The following CSMD1 variants were observed in gnomAD, a reference collection of about 807,000 sequenced individuals.
CSMD1 encodes CUB and sushi domain-containing protein 1.
Under a neutral mutation model 417.5 loss-of-function variants are expected in CSMD1, and 213 were observed. The observed-to-expected ratio is 0.51, with a 90% CI of 0.46 to 0.57. CSMD1 has a LOEUF of 0.57. Among genes scored for constraint, CSMD1 ranks in the 20% least tolerant of loss-of-function variants. The pLI is 0.00. For synonymous variants in CSMD1, 2,862 were observed against 1,736.8 expected, an observed-to-expected ratio of 1.65 and a Z score of -16.11; for missense variants, 6,923 against 4,529.7, an observed-to-expected ratio of 1.53 and a Z score of -15.17.
At chr8:3,103,370 T>C (rs1815895930) in intron 46 of CSMD1, among the ~76,000 whole-genome samples, 2 of 152,108 alleles carry the variant, frequency 1.3e-5, no homozygotes, top group African/African-American at 4.8e-5. Flanking sequence ...ACCCAGATGG[T>C]ACAGCCTGCT....
intron 3 of CSMD1, among the ~76,000 whole-genome samples, chr8:4,163,742 C>G (rs1187903380): frequency 6.6e-6 from 1 of 152,100 alleles, no homozygotes; most frequent in African/African-American, 2.4e-5. Flanking sequence ...ATCAGTAGCA[C>G]TAATACTGCT....
At chr8:4,938,380 AGTT>A (rs1291160807) in intron 1 of CSMD1, among the ~76,000 whole-genome samples, 1 of 152,206 alleles carries the variant, frequency 6.6e-6, no homozygotes, top group Non-Finnish European at 1.5e-5. Flanking sequence ...GCTGTCCTAT[AGTT>A]ATTACAAATA....
At chr8:4,459,820 T>C (rs1162267704) in intron 2 of CSMD1, among the ~76,000 whole-genome samples, 1 of 152,180 alleles carries the variant, frequency 6.6e-6, no homozygotes, top group Non-Finnish European at 1.5e-5. Context: ...TTGTGGTACT[T>C]TGTGTCACTG....
At chr8:4,944,501 G>C (rs1317457941) in intron 1 of CSMD1, among the ~76,000 whole-genome samples, 1 of 152,172 alleles carries the variant, frequency 6.6e-6, no homozygotes. Flanking sequence ...TGGGAAAGCT[G>C]AAAGAACACA....
chr8:2,966,947 T>A (rs974258916), intron 57 of CSMD1, among the ~76,000 whole-genome samples: 2 of 152,192 alleles, frequency 1.3e-5, no homozygotes, highest in Non-Finnish European at 2.9e-5. Flanking sequence ...AATATAAAAA[T>A]AACCTTTCAA....
intron 7 of CSMD1, among the ~76,000 whole-genome samples, chr8:3,627,866 AT>A (rs1234867128): frequency 6.6e-6 from 1 of 152,204 alleles, no homozygotes; most frequent in Non-Finnish European, 1.5e-5. Context: ...TTGTACATTA[AT>A]TCACTGTTTT....
chr8:3,090,946 A>G (rs2129008066), intron 48 of CSMD1, among the ~76,000 whole-genome samples: 2 of 152,342 alleles, frequency 1.3e-5, no homozygotes, highest in Admixed American at 1.3e-4. Flanking sequence ...TAGTTAATAT[A>G]AATCACTGCT....
chr8:4,908,533 G>GT (rs71535906), intron 1 of CSMD1, among the ~76,000 whole-genome samples: 37,800 of 151,046 alleles, frequency 0.25, 5,296 homozygotes, highest in East Asian at 0.52. Context: ...GTTCTCTTCT[G>GT]TTTTTTTTCT....
intron 3 of CSMD1, among the ~76,000 whole-genome samples, chr8:4,257,134 T>A (rs1365559906): frequency 1.3e-5 from 2 of 152,164 alleles, no homozygotes; most frequent in Non-Finnish European, 2.9e-5. Context: ...CTCACCACAT[T>A]TGTTACCTAG....
At chr8:4,062,541 A>G (rs1799029716) in intron 3 of CSMD1, among the ~76,000 whole-genome samples, 2 of 152,222 alleles carry the variant, frequency 1.3e-5, no homozygotes, top group African/African-American at 4.8e-5. Context: ...TGTGGCATTG[A>G]CATGAACAAC....
intron 5 of CSMD1, among the ~76,000 whole-genome samples, chr8:3,892,666 T>TTAA (rs1416248114): frequency 9.3e-5 from 14 of 151,094 alleles, no homozygotes; most frequent in Non-Finnish European, 2.1e-4. Context: ...TTTTGGAGAC[T>TTAA]GGGTTCAAGG....
intron 39 of CSMD1, among the ~76,000 whole-genome samples, chr8:3,156,253 C>A (rs190331716): frequency 6.6e-6 from 1 of 152,280 alleles, no homozygotes; most frequent in East Asian, 1.9e-4. Flanking sequence ...GGGTTCTGAG[C>A]ACACCCCCAG....
At chr8:4,800,638 AT>A (rs1387781563) in intron 1 of CSMD1, among the ~76,000 whole-genome samples, 1 of 152,144 alleles carries the variant, frequency 6.6e-6, no homozygotes, top group Non-Finnish European at 1.5e-5. Context: ...CTTTGGTGCA[AT>A]CCCCCAGGGG....
rs573864173 is a variant in CSMD1, at chr8:4,662,558, C to T, written c.86-25000G>A. Among the ~76,000 whole-genome samples the T allele has an allele frequency of 3.5e-4, 53 of 152,178 alleles. 1 individual carries two copies. The highest frequency in any genetic ancestry group is 3.3e-4 in the Admixed American group (5 of 15,280). ...CTTTCGCTCGTCTCCCTGGAGAATG[C>T]TAATGTAAAGATGTCATTCATGTGC... is the stretch of plus-strand genomic sequence containing the variant. On this transcript the variant is annotated intron_variant, in intron 1 of 69. Transcript: ENST00000635120.
At chr8:3,797,921 T>A (rs892418757) in intron 5 of CSMD1, among the ~76,000 whole-genome samples, 37 of 152,082 alleles carry the variant, frequency 2.4e-4, no homozygotes, top group African/African-American at 8.7e-4. Context: ...CATTTGATAT[T>A]GTCAAGTTTT....
chr8:4,823,726 G>C (rs1001581443), intron 1 of CSMD1, among the ~76,000 whole-genome samples: 2 of 151,888 alleles, frequency 1.3e-5, no homozygotes, highest in Non-Finnish European at 2.9e-5. Context: ...AGATACTACA[G>C]AAGTGAAATG....
chr8:2,952,573 T>C (rs1802708737), intron 65 of CSMD1, among the ~76,000 whole-genome samples: 1 of 152,218 alleles, frequency 6.6e-6, no homozygotes, highest in South Asian at 2.1e-4. Context: ...TCACTGATTT[T>C]AGACACATCT....
chr8:4,518,228 G>C (rs1003156254), intron 2 of CSMD1, among the ~76,000 whole-genome samples: 1 of 151,956 alleles, frequency 6.6e-6, no homozygotes, highest in African/African-American at 2.4e-5. Flanking sequence ...TCATAAATCT[G>C]GCCTTTTCAT....
chr8:4,958,630 T>C (rs376985693), intron 1 of CSMD1, among the ~76,000 whole-genome samples: 1 of 152,182 alleles, frequency 6.6e-6, no homozygotes, highest in Non-Finnish European at 1.5e-5. Flanking sequence ...TATTCAAGTA[T>C]GGGATCTATG....
Sources: allele counts gnomAD v4.1 joint callset (sites outside exome capture counted in the v4.1 genomes callset), GRCh38; gene constraint gnomAD v4.1.1; transcripts MANE v1.5; gene names NCBI Gene and HGNC (gene_info 2026-07-23, HGNC 2026-07-21).